Variants in LDAH observed in about 807,000 individuals in gnomAD.
LDAH encodes lipid droplet-associated hydrolase.
A neutral mutation model predicts 29.6 loss-of-function variants in LDAH; 26 were observed. The observed-to-expected ratio is 0.88, with a 90% CI of 0.64 to 1.22. The LOEUF (loss-of-function observed/expected upper bound fraction) is 1.22. Ranked by LOEUF, LDAH falls within the 50% of genes most tolerant of loss-of-function variation. The pLI is 0.00. For missense variants in LDAH, 344 were observed against 387.3 expected (o/e 0.89, Z 0.94); for synonymous variants, 117 against 133.0 (o/e 0.88, Z 0.83).
At position 20,760,922 on chromosome 2, in the gene LDAH, CACCCACCCTAAAGTCTGT is replaced by C. The variant is rs1239826172; in HGVS notation, c.468+13870_468+13887del. Among the ~76,000 whole-genome samples, 8 of 152,234 alleles carry C rather than the reference CACCCACCCTAAAGTCTGT, an allele frequency of 5.3e-5. No homozygotes were observed. In the South Asian group the frequency reaches 1.7e-3, roughly 32 times the overall value. On this transcript the variant is annotated intron_variant, in intron 4 of 6. Transcript: ENST00000237822. ...TTAGGAGGTGAGGATCATGGGGTGCCACCCACCCTAAAGTCTGTCCGCCACACCCCTAAGCTCTTTCCT... is the reference window on the plus strand; with the variant it reads ...TTAGGAGGTGAGGATCATGGGGTGCCCCGCCACACCCCTAAGCTCTTTCCT...
intron 4 of LDAH, among the ~76,000 whole-genome samples, chr2:20,773,876 C>G (rs1377777586): frequency 6.6e-6 from 1 of 152,142 alleles, no homozygotes; most frequent in East Asian, 1.9e-4. Flanking sequence ...CACGTCCTAT[C>G]TTGGCTTCAG....
chr2:20,712,909 T>C (rs938674311), intron 5 of LDAH, among the ~76,000 whole-genome samples: 8 of 151,948 alleles, frequency 5.3e-5, no homozygotes, highest in African/African-American at 1.9e-4. Context: ...AAATCTATGT[T>C]TGATTAGTGT....
At chr2:20,707,871 T>C (rs1264491487) in intron 5 of LDAH, among the ~76,000 whole-genome samples, 1 of 152,192 alleles carries the variant, frequency 6.6e-6, no homozygotes, top group Non-Finnish European at 1.5e-5. Context: ...ATTGCTTGCA[T>C]TACTGCCTAA....
chr2:20,710,606 G>GTGTGTATATATATA (rs1467950593), intron 5 of LDAH, among the ~76,000 whole-genome samples: 10 of 131,874 alleles, frequency 7.6e-5, no homozygotes, highest in African/African-American at 2.8e-4. Flanking sequence ...GTGTGTGTGT[G>GTGTGTATATATATA]TATATATATA....
intron 6 of LDAH, among the ~76,000 whole-genome samples, chr2:20,690,444 C>T (rs1439793841): frequency 5.3e-5 from 8 of 152,154 alleles, no homozygotes; most frequent in Non-Finnish European, 1.0e-4. Flanking sequence ...GGTGGGCTCA[C>T]GTTTTGTAAA....
chr2:20,729,307 T>C (rs1437405), intron 5 of LDAH, among the ~76,000 whole-genome samples: 38,451 of 152,242 alleles, frequency 0.25, 6,096 homozygotes, highest in East Asian at 0.48. Context: ...TAATTTCCTG[T>C]TTTAATTAAA....
intron 3 of LDAH, among the ~76,000 whole-genome samples, chr2:20,782,437 T>C (rs1301886553): frequency 6.6e-6 from 1 of 152,360 alleles, no homozygotes; most frequent in East Asian, 1.9e-4. Flanking sequence ...TTTGCTGGTA[T>C]TCTATTGAGA....
At chr2:20,764,899 A>C (rs1162936768) in intron 4 of LDAH, among the ~76,000 whole-genome samples, 1 of 152,238 alleles carries the variant, frequency 6.6e-6, no homozygotes, top group Non-Finnish European at 1.5e-5. Context: ...GGGAAAAATC[A>C]GATTGTTAAA....
intron 5 of LDAH, among the ~76,000 whole-genome samples, chr2:20,707,651 G>T (rs1305216792): frequency 6.6e-6 from 1 of 152,190 alleles, no homozygotes; most frequent in African/African-American, 2.4e-5. Context: ...AATTGTATGA[G>T]AAATTTTGAG....
At chr2:20,819,518 C>A (rs1673094327) in intron 1 of LDAH, among the ~76,000 whole-genome samples, 1 of 152,072 alleles carries the variant, frequency 6.6e-6, no homozygotes, top group South Asian at 2.1e-4. Context: ...AGACAAAAAC[C>A]ACATGATTAT....
intron 4 of LDAH, among the ~76,000 whole-genome samples, chr2:20,757,454 TA>T (rs1455047466): frequency 6.6e-6 from 1 of 152,152 alleles, no homozygotes; most frequent in African/African-American, 2.4e-5. Context: ...AAAACAAAGG[TA>T]AATCCTCCCT....
At chr2:20,751,390 T>C (rs1667961365) in intron 4 of LDAH, among the ~76,000 whole-genome samples, 1 of 152,184 alleles carries the variant, frequency 6.6e-6, no homozygotes, top group Admixed American at 6.5e-5. Context: ...TAGATCACCA[T>C]AAAATATGTG....
At chr2:20,705,925 A>G (rs1172462749) in intron 5 of LDAH, among the ~76,000 whole-genome samples, 1 of 152,234 alleles carries the variant, frequency 6.6e-6, no homozygotes, top group Non-Finnish European at 1.5e-5. Flanking sequence ...GCTATGCAAT[A>G]TAACTTTCTG....
At chr2:20,814,808 A>C (rs1446133544) in intron 1 of LDAH, among the ~76,000 whole-genome samples, 2 of 152,182 alleles carry the variant, frequency 1.3e-5, no homozygotes, top group Non-Finnish European at 2.9e-5. Flanking sequence ...TTTACCTGTC[A>C]GTGAGATACT....
At chr2:20,736,912 A>C (rs13032556) in intron 5 of LDAH, among the ~76,000 whole-genome samples, 1 of 152,208 alleles carries the variant, frequency 6.6e-6, no homozygotes, top group African/African-American at 2.4e-5. Context: ...TCCCATGTAC[A>C]TATGAAATAT....
intron 4 of LDAH, among the ~76,000 whole-genome samples, chr2:20,753,142 T>TA (rs1273563007): frequency 1.3e-5 from 2 of 152,246 alleles, no homozygotes; most frequent in Non-Finnish European, 2.9e-5. Flanking sequence ...GAGAAGCTAA[T>TA]AAGTGCATGC....
intron 3 of LDAH, among the ~76,000 whole-genome samples, chr2:20,784,366 C>T (rs1670404764): frequency 6.6e-6 from 1 of 151,992 alleles, no homozygotes; most frequent in South Asian, 2.1e-4. Flanking sequence ...TCGTTGGCAC[C>T]ACTGCACTCC....
chr2:20,815,449 G>C (rs1255021264), intron 1 of LDAH, among the ~76,000 whole-genome samples: 4 of 151,944 alleles, frequency 2.6e-5, no homozygotes, highest in East Asian at 3.9e-4. Context: ...AAAACCCTAA[G>C]TGGGAAAAAA....
chr2:20,804,456 T>C (rs953253902), intron 1 of LDAH, among the ~76,000 whole-genome samples: 3 of 152,200 alleles, frequency 2.0e-5, no homozygotes, highest in South Asian at 2.1e-4. Flanking sequence ...CATGGATAGA[T>C]GAATGCTTAA....
Sources: allele counts gnomAD v4.1 joint callset (sites outside exome capture counted in the v4.1 genomes callset), GRCh38; gene constraint gnomAD v4.1.1; transcripts MANE v1.5; gene names NCBI Gene and HGNC (gene_info 2026-07-23, HGNC 2026-07-21).